Variants in GLB1L3 observed in about 807,000 individuals in gnomAD.
GLB1L3 encodes beta-galactosidase-1-like protein 3.
Under a neutral mutation model 89.5 loss-of-function variants are expected in GLB1L3, and 89 were observed. That is an observed-to-expected ratio of 0.99 (90% confidence interval 0.84 to 1.19). The LOEUF is 1.19. Among genes scored for constraint, GLB1L3 ranks in the 50% most tolerant of loss-of-function variants. GLB1L3 has a pLI of 0.00. For missense variants in GLB1L3, 812 were observed against 813.3 expected, an observed-to-expected ratio of 1.00 and a Z score of 0.02; for synonymous variants, 314 against 312.3, an observed-to-expected ratio of 1.01 and a Z score of -0.06.
intron 18 of GLB1L3, 56 bp from the exon 19 acceptor site, chr11:134,318,575 G>GT: frequency 9.2e-7 from 1 of 1,084,522 alleles, no homozygotes; most frequent in Non-Finnish European, 1.4e-6. Flanking sequence ...AGTGCCTTAG[G>GT]TTTTACCTTG....
intron 3 of GLB1L3, among the ~76,000 whole-genome samples, chr11:134,279,364 CTTTT>C (rs10577769): frequency 4.6e-5 from 5 of 108,336 alleles, no homozygotes; most frequent in Non-Finnish European, 5.6e-5. Context: ...TTTTCTTTTT[CTTTT>C]TTTTTTTTTT....
At chr11:134,299,026 GT>G (rs1344167476) in intron 9 of GLB1L3, among the ~76,000 whole-genome samples, 1 of 151,950 alleles carries the variant, frequency 6.6e-6, no homozygotes, top group Non-Finnish European at 1.5e-5. Context: ...TTACTTTTCA[GT>G]TTGCTTAATT....
At position 134,281,368 on chromosome 11, in the gene GLB1L3, C is replaced by A. The variant is rs760896796; in HGVS notation, c.363-9C>A. Reference sequence around the variant, plus strand: ...GATACTCATCATACTTCCCTCTCACCTCTTCTAGCTATGTTCCGTGGAACC... The same window carrying A: ...GATACTCATCATACTTCCCTCTCACATCTTCTAGCTATGTTCCGTGGAACC... On this transcript the variant is annotated splice_polypyrimidine_tract_variant and intron_variant, in intron 3 of 19. Coordinates refer to ENST00000431683, the MANE Select transcript of GLB1L3 (RefSeq NM_001080407.3). 6.2e-7 allele frequency: 1 copy of A among 1,614,170 alleles called. No individual in the cohort carries two copies.
intron 7 of GLB1L3, among the ~76,000 whole-genome samples, chr11:134,291,232 G>A (rs1447471160): frequency 6.6e-6 from 1 of 151,220 alleles, no homozygotes; most frequent in Non-Finnish European, 1.5e-5. Context: ...ACATAAAATT[G>A]TGTGGCACTT....
chr11:134,308,640 CCATCACCACCAT>C (rs1486345160), intron 10 of GLB1L3, among the ~76,000 whole-genome samples: 6 of 149,616 alleles, frequency 4.0e-5, no homozygotes. Flanking sequence ...ACCATCAACA[CCATCACCACCAT>C]CATCACCACC....
intron 3 of GLB1L3, 125 bp downstream of exon 3, chr11:134,278,037 C>T: frequency 2.3e-6 from 2 of 859,566 alleles, no homozygotes; most frequent in South Asian, 1.5e-5. Context: ...GTTTCCAGCA[C>T]ATACATTTAA....
At position 134,297,152 on chromosome 11, in the gene GLB1L3, C is replaced by T. The variant is rs150545731; in HGVS notation, c.876+3943C>T. 2.7e-3 allele frequency among the ~76,000 whole-genome samples: 408 copies of T among 152,004 alleles called. 2 individuals are homozygous for T. Among genetic ancestry groups the T allele is most frequent in the African/African-American group, 9.4e-3 (391 of 41,462 alleles). ...GGCCGCTGTATCATTACGTAATATC[C>T]CTCTCCCTTGTTCTGAACTCTATTT... is the stretch of plus-strand genomic sequence containing the variant. On this transcript the variant is annotated intron_variant, in intron 9 of 19. Transcript: ENST00000431683.
rs1565413930 is a variant in GLB1L3, at chr11:134,308,475, T to TG, written c.962-1151_962-1150insG. On this transcript the variant is annotated intron_variant, in intron 10 of 19. Coordinates refer to ENST00000431683, the MANE Select transcript of GLB1L3 (RefSeq NM_001080407.3). ...CACCACCACCACCACCACCACCAAA[T>TG]ACCACCACCACCATCACCACCAAAT... Among the ~76,000 whole-genome samples the TG allele has an allele frequency of 2.5e-4, 5 of 20,384 alleles. 1 individual carries two copies. Among genetic ancestry groups the TG allele is most frequent in the Admixed American group, 6.0e-4 (1 of 1,658 alleles). 13.4% of individuals were successfully genotyped at this position (20,384 alleles called of 152,430 possible).
intron 9 of GLB1L3, among the ~76,000 whole-genome samples, chr11:134,296,418 A>C (rs1402286017): frequency 1.5e-5 from 2 of 134,332 alleles, no homozygotes. Context: ...CATTATTCAC[A>C]ATAGCAAAGA....
intron 18 of GLB1L3, among the ~76,000 whole-genome samples, chr11:134,317,707 T>G (rs890307895): frequency 1.3e-5 from 2 of 152,206 alleles, no homozygotes; most frequent in African/African-American, 2.4e-5. Flanking sequence ...TTAAATGTTT[T>G]ATGTCTTTAT....
intron 9 of GLB1L3, among the ~76,000 whole-genome samples, chr11:134,302,999 A>G (rs1384036459): frequency 6.6e-6 from 1 of 152,204 alleles, no homozygotes; most frequent in Non-Finnish European, 1.5e-5. Context: ...TAGCAAGTTT[A>G]TCAAAGTTTG....
intron 7 of GLB1L3, among the ~76,000 whole-genome samples, chr11:134,290,579 C>CA (rs71038572): frequency 0.39 from 45,273 of 116,372 alleles, 11,443 homozygotes; most frequent in Non-Finnish European, 0.47. Context: ...CCCCCCCCGC[C>CA]AAAAAAAAAG....
At chr11:134,277,513 A>G in intron 2 of GLB1L3, 62 bp downstream of exon 2, 2 of 1,592,176 alleles carry the variant, frequency 1.3e-6, no homozygotes, top group Non-Finnish European at 1.7e-6. Flanking sequence ...CTTGGAGAAA[A>G]TAGTATCGCG....
At chr11:134,316,797 C>T (rs1943001408) in intron 18 of GLB1L3, 1 of 152,186 alleles carries the variant, frequency 6.6e-6, no homozygotes, top group Admixed American at 6.5e-5. Context: ...TGGAATTTTA[C>T]TTTTCCTTCA....
chr11:134,300,378 G>A (rs1941876532), intron 9 of GLB1L3, among the ~76,000 whole-genome samples: 1 of 146,986 alleles, frequency 6.8e-6, no homozygotes, highest in Non-Finnish European at 1.5e-5. Flanking sequence ...TGTCGCCCAG[G>A]CTAGAGTGCA....
chr11:134,315,122 T>C (rs1942926152), intron 18 of GLB1L3, among the ~76,000 whole-genome samples: 1 of 152,244 alleles, frequency 6.6e-6, no homozygotes, highest in Non-Finnish European at 1.5e-5. Flanking sequence ...TTTTCTTTTG[T>C]TCAACATTGT....
Position 134,312,360 on chromosome 11 carries a change from G to T in GLB1L3, c.1299G>T (p.Ser433=). Reference sequence around the variant, plus strand: ...ATTTCTCCTCATAGCCAGTCAGGTCGCGTCAGCCCGTCAACATGGAGAACC... The same window carrying T: ...ATTTCTCCTCATAGCCAGTCAGGTCTCGTCAGCCCGTCAACATGGAGAACC... ...ALSYLNEPVR[S]RQPVNMENLP... is the part of the protein sequence containing the mutation. The change falls in exon 14 of 20, where the codon TCG becomes TCT. Residue 433 remains serine, a synonymous_variant. Coordinates refer to ENST00000431683, the MANE Select transcript of GLB1L3 (RefSeq NM_001080407.3). 6.2e-7 allele frequency: 1 copy of T among 1,613,520 alleles called. No individual in the cohort carries two copies. Among genetic ancestry groups the T allele is most frequent in the South Asian group, 1.1e-5 (1 of 91,056 alleles).
intron 11 of GLB1L3, chr11:134,310,193 C>G (rs553927920): frequency 7.0e-5 from 26 of 373,188 alleles, no homozygotes; most frequent in Middle Eastern, 8.0e-4. Flanking sequence ...ATGAAATACA[C>G]TAACACTAAT....
intron 18 of GLB1L3, 125 bp downstream of exon 18, chr11:134,314,566 C>G (rs2136230351): frequency 1.4e-6 from 1 of 694,590 alleles, no homozygotes; most frequent in Non-Finnish European, 2.6e-6. Context: ...TTCCTCATCT[C>G]CAACCAAGCC....
Sources: gnomAD v4.1 joint callset for allele counts (sites outside exome capture counted in the v4.1 genomes callset) on GRCh38, gnomAD v4.1.1 for gene constraint, MANE v1.5 for transcripts, NCBI Gene and HGNC (gene_info 2026-07-23, HGNC 2026-07-21) for gene names.